SGCZ: variants seen among roughly 807,000 people sequenced by gnomAD.
SGCZ encodes the protein sarcoglycan zeta, also known as zeta-sarcoglycan.
Under a neutral mutation model 41.3 loss-of-function variants are expected in SGCZ, and 40 were observed. That is an observed-to-expected ratio of 0.97 (90% CI 0.75 to 1.26). The LOEUF is 1.26. Ranked by LOEUF, SGCZ falls within the 50% of genes most tolerant of loss-of-function variation. SGCZ has a pLI of 0.00. For missense variants in SGCZ, 552 were observed against 369.8 expected, an observed-to-expected ratio of 1.49 and a Z score of -4.04; for synonymous variants, 206 against 137.5, an observed-to-expected ratio of 1.50 and a Z score of -3.49.
intron 1 of SGCZ, among the ~76,000 whole-genome samples, chr8:15,059,657 TACTTA>T (rs1804843115): frequency 6.6e-6 from 1 of 152,250 alleles, no homozygotes; most frequent in Non-Finnish European, 1.5e-5. Context: ...AAATTAATGA[TACTTA>T]ACTTATATAT....
intron 1 of SGCZ, among the ~76,000 whole-genome samples, chr8:14,665,666 A>T (rs1458215693): frequency 6.6e-6 from 1 of 152,166 alleles, no homozygotes; most frequent in Non-Finnish European, 1.5e-5. Context: ...TGCTCAAAGC[A>T]TCTTGGAGCT....
chr8:14,200,423 C>T (rs559930872), intron 4 of SGCZ, among the ~76,000 whole-genome samples: 14 of 151,978 alleles, frequency 9.2e-5, no homozygotes, highest in Non-Finnish European at 1.8e-4. Flanking sequence ...TAAAGAAGAA[C>T]ATTGGACAAC....
chr8:14,856,963 A>G (rs921473099), intron 1 of SGCZ, among the ~76,000 whole-genome samples: 9 of 152,110 alleles, frequency 5.9e-5, no homozygotes, highest in Non-Finnish European at 7.3e-5. Flanking sequence ...TCTCTGCCCA[A>G]ATCTGAAGTG....
At chr8:14,285,683 T>C (rs923250639) in intron 3 of SGCZ, among the ~76,000 whole-genome samples, 4 of 152,088 alleles carry the variant, frequency 2.6e-5, no homozygotes, top group African/African-American at 9.7e-5. Context: ...ATCCCAAGAA[T>C]AGTGGATAGT....
rs1335114716 is a variant in SGCZ at position 14,914,083 on chromosome 8, T to G, written c.39+323502A>C. ...AGATGATCTATATTACATCCTTTTTTAAAAGGTGTGAGAGATTACTCAGAA... is the reference window on the plus strand; with the variant it reads ...AGATGATCTATATTACATCCTTTTTGAAAAGGTGTGAGAGATTACTCAGAA... On this transcript the variant is annotated intron_variant, in intron 1 of 7. Transcript: ENST00000382080. Among the ~76,000 whole-genome samples, 3 of 152,156 alleles carry G rather than the reference T, an allele frequency of 2.0e-5. No homozygotes were observed. The Middle Eastern group carries it at 0.01, about 521-fold the overall frequency.
At chr8:14,698,120 C>T (rs756384774) in intron 1 of SGCZ, among the ~76,000 whole-genome samples, 2 of 151,892 alleles carry the variant, frequency 1.3e-5, no homozygotes, top group Admixed American at 6.6e-5. Context: ...TTTAAATAAT[C>T]GCCTTTCTAG....
intron 1 of SGCZ, among the ~76,000 whole-genome samples, chr8:14,571,851 GACTA>G (rs1585090285): frequency 6.6e-6 from 1 of 152,130 alleles, no homozygotes; most frequent in Non-Finnish European, 1.5e-5. Context: ...CTGGTTCTGA[GACTA>G]ACTAAAGTAC....
intron 4 of SGCZ, among the ~76,000 whole-genome samples, chr8:14,235,227 T>C (rs1806714677): frequency 6.6e-6 from 1 of 152,182 alleles, no homozygotes; most frequent in Non-Finnish European, 1.5e-5. Flanking sequence ...ATTATCTCCT[T>C]TCACACAGCC....
At chr8:14,750,833 C>G (rs1342160536) in intron 1 of SGCZ, among the ~76,000 whole-genome samples, 1 of 152,156 alleles carries the variant, frequency 6.6e-6, no homozygotes, top group Non-Finnish European at 1.5e-5. Context: ...ATTACTGTGC[C>G]TATTCAGGTT....
chr8:14,369,231 C>G (rs1803823748), intron 2 of SGCZ, among the ~76,000 whole-genome samples: 2 of 151,922 alleles, frequency 1.3e-5, no homozygotes, highest in Admixed American at 1.3e-4. Flanking sequence ...GAATCCAATC[C>G]AATCCAATCT....
intron 1 of SGCZ, among the ~76,000 whole-genome samples, chr8:14,984,580 A>G (rs2130884789): frequency 6.6e-6 from 1 of 152,160 alleles, no homozygotes. Flanking sequence ...CAACCACACA[A>G]TATCATTTAA....
intron 1 of SGCZ, among the ~76,000 whole-genome samples, chr8:14,715,534 CCACACA>C (rs3069627): frequency 7.5e-6 from 1 of 133,310 alleles, no homozygotes; most frequent in Non-Finnish European, 1.6e-5. Flanking sequence ...ATATCCTCCA[CCACACA>C]CACACACACA....
Position 14,085,525 on chromosome 8 carries a change from G to C in SGCZ, c.*4918C>G, listed in dbSNP as rs1801499228. ...TCATTTCCTTTAATGGTTTTCATTG[G>C]CTTTCTCAAAATGCAGAGCCACCTC... On this transcript the variant is annotated 3_prime_UTR_variant, in exon 8 of 8. Transcript: ENST00000382080. Among the ~76,000 whole-genome samples the C allele has an allele frequency of 6.6e-6, 1 of 151,436 alleles. No homozygotes were observed. The highest frequency in any genetic ancestry group is 2.4e-5 in the African/African-American group (1 of 41,320).
intron 2 of SGCZ, among the ~76,000 whole-genome samples, chr8:14,382,372 C>G (rs61041135): frequency 6.6e-6 from 1 of 151,774 alleles, no homozygotes; most frequent in African/African-American, 2.4e-5. Context: ...AAAACTGAGG[C>G]CTCAGAAATA....
chr8:15,208,183 G>C (rs903155131), intron 1 of SGCZ, among the ~76,000 whole-genome samples: 1 of 152,226 alleles, frequency 6.6e-6, no homozygotes, highest in Non-Finnish European at 1.5e-5. Flanking sequence ...AATGTGTAAA[G>C]AGATCAAAGA....
intron 1 of SGCZ, among the ~76,000 whole-genome samples, chr8:14,981,671 T>C (rs1801666590): frequency 6.6e-6 from 1 of 152,120 alleles, no homozygotes; most frequent in Admixed American, 6.5e-5. Context: ...CCACAGCCAA[T>C]GTACATGATT....
chr8:14,446,182 A>C (rs11787351), intron 2 of SGCZ, among the ~76,000 whole-genome samples: 2 of 152,016 alleles, frequency 1.3e-5, no homozygotes, highest in African/African-American at 2.4e-5. Flanking sequence ...AATCTTCAGC[A>C]AGCCCAGCTG....
intron 2 of SGCZ, among the ~76,000 whole-genome samples, chr8:14,522,418 T>A (rs1374510635): frequency 6.6e-6 from 1 of 152,010 alleles, no homozygotes; most frequent in South Asian, 2.1e-4. Flanking sequence ...TCAATTTCCT[T>A]ACGGCTCTTC....
chr8:14,715,191 G>T (rs976878517), intron 1 of SGCZ, among the ~76,000 whole-genome samples: 6 of 152,152 alleles, frequency 3.9e-5, no homozygotes, highest in Non-Finnish European at 7.3e-5. Flanking sequence ...GCTTTTGGTT[G>T]AGAGTGAATA....
Sources: allele counts gnomAD v4.1 joint callset (sites outside exome capture counted in the v4.1 genomes callset), GRCh38; gene constraint gnomAD v4.1.1; transcripts MANE v1.5; gene names NCBI Gene and HGNC (gene_info 2026-07-23, HGNC 2026-07-21).